SLC25A20: variants seen among roughly 807,000 people sequenced by gnomAD.
SLC25A20 encodes the protein mitochondrial carnitine/acylcarnitine carrier protein.
SLC25A20 carries 29 observed loss-of-function variants against 39.7 expected under a neutral mutation model. The ratio of observed to expected loss-of-function variants is 0.73; its 90% CI spans 0.54 to 1.00. SLC25A20 has a LOEUF of 1.00. Among genes scored for constraint, SLC25A20 ranks in the 50% least tolerant of loss-of-function variants. SLC25A20 has a pLI of 0.00. For missense variants in SLC25A20, 333 were observed against 379.9 expected (o/e 0.88, Z 1.03); for synonymous variants, 103 against 142.2 (o/e 0.72, Z 1.96).
At chr3:48,897,346 AAT>A (rs34139351) in intron 1 of SLC25A20, among the ~76,000 whole-genome samples, 3,061 of 121,270 alleles carry the variant, frequency 0.025, 95 homozygotes, top group South Asian at 0.043. Context: ...TGTGTGTGTG[AAT>A]ATATATATAT....
At chr3:48,882,969 C>G (rs970116756) in intron 3 of SLC25A20, among the ~76,000 whole-genome samples, 3 of 150,384 alleles carry the variant, frequency 2.0e-5, no homozygotes, top group African/African-American at 7.4e-5. Flanking sequence ...GGGCGGATCA[C>G]GAGGTCAGGA....
At position 48,857,688 on chromosome 3, in the gene SLC25A20, T is replaced by C; in HGVS notation, c.*22A>G. 5 of 1,611,826 alleles carry C rather than the reference T, an allele frequency of 3.1e-6. No individual in the cohort carries two copies. The highest frequency in any genetic ancestry group is 4.2e-6 in the Non-Finnish European group (5 of 1,178,294). ...AACGACAGCTTCCAGCATCCAGAAG[T>C]GAACTTGAGCAGCCTTCAGCCTCAC... On this transcript the variant is annotated 3_prime_UTR_variant, in exon 9 of 9. Coordinates refer to ENST00000319017, the MANE Select transcript of SLC25A20 (RefSeq NM_000387.6).
intron 2 of SLC25A20, among the ~76,000 whole-genome samples, chr3:48,890,107 C>T (rs2083862166): frequency 6.6e-6 from 1 of 152,200 alleles, no homozygotes; most frequent in Non-Finnish European, 1.5e-5. Context: ...TTATCCAGGC[C>T]TGCCCAGTTT....
intron 4 of SLC25A20, among the ~76,000 whole-genome samples, chr3:48,865,300 G>A (rs1044563189): frequency 3.3e-5 from 5 of 151,706 alleles, no homozygotes; most frequent in African/African-American, 1.2e-4. Context: ...GCTAATTTTT[G>A]TATTTTTAGT....
chr3:48,864,503 G>T (rs1326030302), intron 4 of SLC25A20, among the ~76,000 whole-genome samples: 1 of 150,294 alleles, frequency 6.7e-6, no homozygotes, highest in Non-Finnish European at 1.5e-5. Flanking sequence ...CAATAAGAAA[G>T]ATTTCTATTT....
chr3:48,893,372 T>C (rs1402241075), intron 1 of SLC25A20, among the ~76,000 whole-genome samples: 1 of 152,102 alleles, frequency 6.6e-6, no homozygotes, highest in Non-Finnish European at 1.5e-5. Flanking sequence ...TTCAGAGAAA[T>C]GCCTATTTAG....
At chr3:48,895,585 T>TATA (rs1387964124) in intron 1 of SLC25A20, among the ~76,000 whole-genome samples, 1 of 152,240 alleles carries the variant, frequency 6.6e-6, no homozygotes, top group African/African-American at 2.4e-5. Context: ...CAGGTCCTTC[T>TATA]ATATCATCAT....
chr3:48,857,731 A>G lies in SLC25A20; in HGVS notation c.885T>C (p.Asn295=). The change falls in exon 9 of 9, where the codon AAT becomes AAC. Residue 295 remains asparagine (N), a synonymous_variant. Transcript: ENST00000319017. Reference sequence around the variant, plus strand: ...AGCCTCACAAGTTGGGGGTGGCCCAATTAAGGAACTTCATGGCAACTTCAA... The same window carrying G: ...AGCCTCACAAGTTGGGGGTGGCCCAGTTAAGGAACTTCATGGCAACTTCAA... ...LGFEVAMKFL[N]WATPNL 6.2e-7 allele frequency: 1 copy of G among 1,613,980 alleles called. No individual in the cohort carries two copies. The highest frequency in any genetic ancestry group is 8.5e-7 in the Non-Finnish European group (1 of 1,179,988).
intron 4 of SLC25A20, among the ~76,000 whole-genome samples, chr3:48,877,276 T>C (rs2083765605): frequency 1.3e-5 from 2 of 151,824 alleles, no homozygotes; most frequent in South Asian, 4.2e-4. Context: ...TAGCAGAGCA[T>C]GGTGGCGCAT....
chr3:48,867,158 T>A (rs1265828369), intron 4 of SLC25A20, among the ~76,000 whole-genome samples: 1 of 151,902 alleles, frequency 6.6e-6, no homozygotes, highest in Non-Finnish European at 1.5e-5. Context: ...CCCAGGCTGG[T>A]CTCAAACTCC....
chr3:48,879,516 G>T, intron 3 of SLC25A20, 68 bp from the exon 4 acceptor site: 1 of 1,007,124 alleles, frequency 9.9e-7, no homozygotes, highest in Non-Finnish European at 1.6e-6. Flanking sequence ...GCCAATCCCA[G>T]CAAAGAGGAC....
In SLC25A20 at chr3:48,878,519, G is replaced by T. The variant is rs572838734; in HGVS notation, c.417+839C>A. Among the ~76,000 whole-genome samples the T allele has an allele frequency of 1.2e-4, 18 of 151,738 alleles. No homozygotes were observed. In the East Asian group the frequency reaches 2.5e-3, roughly 21 times the overall value. ...CAGCTAATTTTAAAAAATTTTTGGG[G>T]CTGGGCGTGGTGGCTCACACCTGTT... On this transcript the variant is annotated intron_variant, in intron 4 of 8. Coordinates refer to ENST00000319017, the MANE Select transcript of SLC25A20 (RefSeq NM_000387.6).
chr3:48,882,735 A>T (rs1217895339), intron 3 of SLC25A20, among the ~76,000 whole-genome samples: 5 of 152,126 alleles, frequency 3.3e-5, no homozygotes, highest in Non-Finnish European at 7.3e-5. Flanking sequence ...AAAAAAATTT[A>T]AAAATTAGCC....
At chr3:48,864,544 A>C (rs1292621603) in intron 4 of SLC25A20, among the ~76,000 whole-genome samples, 1 of 151,926 alleles carries the variant, frequency 6.6e-6, no homozygotes, top group Non-Finnish European at 1.5e-5. Flanking sequence ...AGATAATGTC[A>C]ATTGAGTATC....
intron 4 of SLC25A20, among the ~76,000 whole-genome samples, chr3:48,879,125 C>T (rs2083782455): frequency 1.3e-5 from 2 of 152,090 alleles, no homozygotes; most frequent in South Asian, 2.1e-4. Flanking sequence ...TCCTCCTCGG[C>T]TCCCAAAGTG....
At chr3:48,883,865 C>T (rs1263029888) in intron 3 of SLC25A20, 132 bp downstream of exon 3, 5 of 1,069,204 alleles carry the variant, frequency 4.7e-6, no homozygotes, top group African/African-American at 1.6e-5. Flanking sequence ...CTCAGGTGAT[C>T]CACCCGCCTC....
chr3:48,881,499 G>A (rs1368577651), intron 3 of SLC25A20, among the ~76,000 whole-genome samples: 7 of 152,088 alleles, frequency 4.6e-5, no homozygotes, highest in African/African-American at 1.7e-4. Flanking sequence ...ATCCCAGGGA[G>A]GCATCTTTGA....
intron 4 of SLC25A20, among the ~76,000 whole-genome samples, chr3:48,863,593 C>T (rs2083642869): frequency 6.6e-6 from 1 of 152,198 alleles, no homozygotes; most frequent in Non-Finnish European, 1.5e-5. Flanking sequence ...GGAGTCAGAA[C>T]ACACAAGAGC....
chr3:48,874,448 A>C (rs1356405510), intron 4 of SLC25A20, among the ~76,000 whole-genome samples: 1 of 150,978 alleles, frequency 6.6e-6, no homozygotes, highest in Non-Finnish European at 1.5e-5. Context: ...TCTAGGCAAC[A>C]CTGTGAGACC....
Sources: gnomAD v4.1 joint callset for allele counts (sites outside exome capture counted in the v4.1 genomes callset) on GRCh38, gnomAD v4.1.1 for gene constraint, MANE v1.5 for transcripts, NCBI Gene and HGNC (gene_info 2026-07-23, HGNC 2026-07-21) for gene names.